Variants in B3GALT1 observed in about 807,000 individuals in gnomAD.
B3GALT1 encodes the protein UDP-Gal:betaGlcNAc beta 1,3-galactosyltransferase, polypeptide 1.
A neutral mutation model predicts 23.2 loss-of-function variants in B3GALT1; 10 were observed. The ratio of observed to expected loss-of-function variants is 0.43; its 90% confidence interval spans 0.27 to 0.73. B3GALT1 has a LOEUF of 0.73. B3GALT1 is among the 30% of genes least tolerant of loss of function. B3GALT1 has a pLI of 0.21. For missense variants in B3GALT1, 299 were observed against 405.4 expected, an observed-to-expected ratio of 0.74 and a Z score of 2.25; for synonymous variants, 156 against 141.5, an observed-to-expected ratio of 1.10 and a Z score of -0.73.
Position 167,562,876 on chromosome 2 carries a change from A to G in B3GALT1, c.-410+72599A>G, listed in dbSNP as rs11885819. Among the ~76,000 whole-genome samples the G allele has an allele frequency of 4.5e-3, 689 of 152,128 alleles. 7 individuals carry two copies. The highest frequency in any genetic ancestry group is 0.016 in the African/African-American group (653 of 41,488). ...CTTAAGGAGCATGCTGCCTTCAAGC[A>G]TCTGTTTAACAAAGCACATCTTGCA... On this transcript the variant is annotated intron_variant, in intron 2 of 4. Transcript: ENST00000392690.
intron 1 of B3GALT1, among the ~76,000 whole-genome samples, chr2:167,378,329 G>T (rs149326675): frequency 1.2e-4 from 18 of 151,820 alleles, no homozygotes; most frequent in African/African-American, 4.4e-4. Context: ...GTAGTATCTC[G>T]CAGGTGTTCT....
intron 3 of B3GALT1, among the ~76,000 whole-genome samples, chr2:167,672,336 A>G (rs1686346454): frequency 6.6e-6 from 1 of 152,170 alleles, no homozygotes; most frequent in South Asian, 2.1e-4. Flanking sequence ...AAAACATTTC[A>G]TGTACCAAGA....
intron 3 of B3GALT1, among the ~76,000 whole-genome samples, chr2:167,682,170 C>T (rs1017742360): frequency 2.0e-5 from 3 of 152,088 alleles, no homozygotes; most frequent in Non-Finnish European, 4.4e-5. Flanking sequence ...TGCATCCTCC[C>T]TGTCTATTCC....
chr2:167,439,377 T>G (rs1241902382), intron 1 of B3GALT1, among the ~76,000 whole-genome samples: 2 of 152,182 alleles, frequency 1.3e-5, no homozygotes, highest in East Asian at 3.9e-4. Flanking sequence ...ATTCATATTT[T>G]CCTAATATGT....
chr2:167,550,919 A>G (rs923201704), intron 2 of B3GALT1, among the ~76,000 whole-genome samples: 2 of 152,108 alleles, frequency 1.3e-5, no homozygotes, highest in Non-Finnish European at 2.9e-5. Flanking sequence ...CAGTCCAGGG[A>G]GGGTTGGCAT....
chr2:167,364,341 T>TATA (rs776950816), intron 1 of B3GALT1, among the ~76,000 whole-genome samples: 7,808 of 149,762 alleles, frequency 0.052, 241 homozygotes, highest in East Asian at 0.13. Context: ...TATATATAGT[T>TATA]TTTTTTTTCA....
chr2:167,838,251 A>G (rs1220231607), intron 4 of B3GALT1, among the ~76,000 whole-genome samples: 1 of 152,242 alleles, frequency 6.6e-6, no homozygotes, highest in African/African-American at 2.4e-5. Context: ...GGTTTTTTGA[A>G]AAGATCAACA....
intron 2 of B3GALT1, among the ~76,000 whole-genome samples, chr2:167,492,775 T>A (rs879266695): frequency 2.0e-5 from 3 of 152,132 alleles, no homozygotes; most frequent in Non-Finnish European, 4.4e-5. Flanking sequence ...TACTATGAAT[T>A]TTTTCAGTAT....
intron 2 of B3GALT1, among the ~76,000 whole-genome samples, chr2:167,522,292 ATCT>A (rs894893589): frequency 6.6e-6 from 1 of 151,872 alleles, no homozygotes; most frequent in Non-Finnish European, 1.5e-5. Flanking sequence ...AATATACAAA[ATCT>A]TCTCCAGATT....
At chr2:167,615,196 T>C (rs1276261798) in intron 2 of B3GALT1, among the ~76,000 whole-genome samples, 1 of 152,058 alleles carries the variant, frequency 6.6e-6, no homozygotes, top group African/African-American at 2.4e-5. Context: ...ATATTATTCA[T>C]CCTTTAAAAA....
intron 1 of B3GALT1, among the ~76,000 whole-genome samples, chr2:167,417,328 C>G (rs185778467): frequency 1.3e-5 from 2 of 152,238 alleles, no homozygotes; most frequent in East Asian, 3.9e-4. Context: ...CTAGCATACT[C>G]AGTTTTCTTA....
chr2:167,659,827 CTCT>C (rs1388549502), intron 3 of B3GALT1, among the ~76,000 whole-genome samples: 3 of 152,010 alleles, frequency 2.0e-5, no homozygotes, highest in Non-Finnish European at 2.9e-5. Context: ...AGAATCTCCT[CTCT>C]TCTTCCTCGA....
intron 4 of B3GALT1, among the ~76,000 whole-genome samples, chr2:167,851,636 C>G (rs1689895249): frequency 6.6e-6 from 1 of 152,248 alleles, no homozygotes; most frequent in Non-Finnish European, 1.5e-5. Flanking sequence ...GGAATACACT[C>G]TGGCTGTAAG....
chr2:167,382,785 CTAAA>C (rs1490725883), intron 1 of B3GALT1, among the ~76,000 whole-genome samples: 10 of 152,034 alleles, frequency 6.6e-5, no homozygotes, highest in African/African-American at 2.4e-4. Flanking sequence ...AAATATTACT[CTAAA>C]TAAATCACCA....
chr2:167,457,881 AC>A (rs1281707239), intron 1 of B3GALT1, among the ~76,000 whole-genome samples: 1 of 152,184 alleles, frequency 6.6e-6, no homozygotes, highest in Non-Finnish European at 1.5e-5. Context: ...GTGCTCCCCA[AC>A]AATCTGTATG....
intron 2 of B3GALT1, among the ~76,000 whole-genome samples, chr2:167,632,466 G>T (rs902535443): frequency 6.6e-6 from 1 of 152,026 alleles, no homozygotes; most frequent in African/African-American, 2.4e-5. Flanking sequence ...GTTGTTTCCA[G>T]ACTTTTTAAT....
chr2:167,506,097 G>T (rs1349225704), intron 2 of B3GALT1, among the ~76,000 whole-genome samples: 1 of 151,986 alleles, frequency 6.6e-6, no homozygotes, highest in Admixed American at 6.6e-5. Context: ...TTCATTCATG[G>T]TTCAAGCAAC....
At chr2:167,612,684 C>T (rs1347995790) in intron 2 of B3GALT1, among the ~76,000 whole-genome samples, 1 of 151,712 alleles carries the variant, frequency 6.6e-6, no homozygotes, top group African/African-American at 2.4e-5. Context: ...TATGTGTGAG[C>T]TTTACAATGG....
intron 1 of B3GALT1, among the ~76,000 whole-genome samples, chr2:167,321,465 C>T (rs2105493136): frequency 1.3e-5 from 2 of 152,098 alleles, no homozygotes; most frequent in South Asian, 4.1e-4. Context: ...AATTCCACCT[C>T]CTCACCATTC....
Sources: gnomAD v4.1 joint callset for allele counts (sites outside exome capture counted in the v4.1 genomes callset) on GRCh38, gnomAD v4.1.1 for gene constraint, MANE v1.5 for transcripts, NCBI Gene and HGNC (gene_info 2026-07-23, HGNC 2026-07-21) for gene names.